RORA: variants seen among roughly 807,000 people sequenced by gnomAD.
RORA encodes the protein RAR related orphan receptor A.
A neutral mutation model predicts 69.5 loss-of-function variants in RORA; 7 were observed. The observed-to-expected ratio is 0.10, with a 90% CI of 0.06 to 0.19. The LOEUF (loss-of-function observed/expected upper bound fraction) is 0.19, where lower values mean the gene tolerates loss of function less well. Ranked by LOEUF, RORA falls within the 10% of genes least tolerant of loss-of-function variation. The pLI, the probability that RORA is intolerant of heterozygous loss-of-function variation, is 1.00. For missense variants in RORA, 457 were observed against 663.0 expected (o/e 0.69, Z 3.41); for synonymous variants, 261 against 240.8 (o/e 1.08, Z -0.78).
intron 1 of RORA, among the ~76,000 whole-genome samples, chr15:60,717,796 CTTTT>C (rs10653856): frequency 4.3e-5 from 4 of 91,974 alleles, no homozygotes; most frequent in African/African-American, 1.7e-4. Context: ...TTCTTTTTCT[CTTTT>C]TTTTTTTTTT....
In RORA at chr15:60,862,655, G is replaced by A. The variant is rs533648404; in HGVS notation, c.167-183969C>T. On this transcript the variant is annotated intron_variant, in intron 1 of 10. Transcript: ENST00000335670. The stretch of plus-strand genomic sequence containing the variant: ...TATTTTGGGTAAAAAAGAAAAAGAA[G>A]CGCTTGTATGAATTTTCATGTTATT... Among the ~76,000 whole-genome samples, 53 of 152,274 alleles carry A rather than the reference G, an allele frequency of 3.5e-4. 1 individual carries two copies. In the South Asian group the frequency reaches 0.011, roughly 32 times the overall value.
chr15:60,543,770 A>C (rs1010431460), intron 2 of RORA, among the ~76,000 whole-genome samples: 3 of 152,014 alleles, frequency 2.0e-5, no homozygotes, highest in Non-Finnish European at 2.9e-5. Flanking sequence ...TCTATCTTTT[A>C]AGGATGATAG....
intron 1 of RORA, among the ~76,000 whole-genome samples, chr15:60,953,778 A>T (rs1158969105): frequency 6.6e-6 from 1 of 151,942 alleles, no homozygotes; most frequent in African/African-American, 2.4e-5. Context: ...CGATCATTAA[A>T]AAGTCAGGAA....
In RORA at chr15:60,826,989, G is replaced by A. The variant is rs909719505; in HGVS notation, c.167-148303C>T. Among the ~76,000 whole-genome samples, 11 of 152,148 alleles carry A rather than the reference G, an allele frequency of 7.2e-5. No homozygotes were observed. The South Asian group carries it at 8.3e-4, about 11-fold the overall frequency. On this transcript the variant is annotated intron_variant, in intron 1 of 10. Coordinates refer to ENST00000335670, the MANE Select transcript of RORA (RefSeq NM_134261.3). The stretch of plus-strand genomic sequence containing the variant: ...CTTAGTGGGTATACCAAAGCCCTCC[G>A]TGATGTGAGTATAATATCAAGTTCT...
chr15:61,026,597 C>T (rs922324513), intron 1 of RORA, among the ~76,000 whole-genome samples: 18 of 152,134 alleles, frequency 1.2e-4, no homozygotes, highest in East Asian at 1.9e-4. Context: ...ATATATAATA[C>T]GCCTGCCTCA....
At chr15:60,552,766 C>A (rs1483677120) in intron 2 of RORA, among the ~76,000 whole-genome samples, 2 of 152,140 alleles carry the variant, frequency 1.3e-5, no homozygotes, top group East Asian at 3.8e-4. Flanking sequence ...TTTACTAGAG[C>A]CTGCCACCCA....
intron 2 of RORA, chr15:60,556,713 T>A: frequency 1.5e-6 from 1 of 678,822 alleles, no homozygotes; most frequent in Admixed American, 2.6e-5. Flanking sequence ...CCTCTATGCC[T>A]GGAAGTTCAC....
chr15:60,925,948 A>G (rs1892205289), intron 1 of RORA, among the ~76,000 whole-genome samples: 1 of 152,218 alleles, frequency 6.6e-6, no homozygotes, highest in Non-Finnish European at 1.5e-5. Flanking sequence ...AACACATCAC[A>G]TGGTGACCAA....
At chr15:60,937,931 T>C (rs554607364) in intron 1 of RORA, among the ~76,000 whole-genome samples, 3 of 152,354 alleles carry the variant, frequency 2.0e-5, no homozygotes, top group Admixed American at 2.0e-4. Context: ...AATATTTCTT[T>C]TCTTTTTTTG....
rs554451406 is a variant in RORA at position 61,055,531 on chromosome 15, C to A, written c.166+173522G>T. 9.8e-5 allele frequency among the ~76,000 whole-genome samples: 15 copies of A among 152,288 alleles called. No individual in the cohort carries two copies. The South Asian group carries it at 2.9e-3, about 29-fold the overall frequency. ...CAATGCCTTGCAGGTGTGTCAGGTT[C>A]TTTAGGTGTTTTCGATGTTCAGGTC... On this transcript the variant is annotated intron_variant, in intron 1 of 10. Transcript: ENST00000335670.
intron 1 of RORA, among the ~76,000 whole-genome samples, chr15:60,992,256 T>C (rs1401205864): frequency 1.3e-5 from 2 of 152,172 alleles, no homozygotes; most frequent in Non-Finnish European, 2.9e-5. Context: ...ATTAAAACAA[T>C]TTCAACTAGT....
intron 1 of RORA, among the ~76,000 whole-genome samples, chr15:60,744,438 G>T (rs2071620162): frequency 6.6e-6 from 1 of 152,140 alleles, no homozygotes; most frequent in South Asian, 2.1e-4. Flanking sequence ...TTATATCCAG[G>T]GAGGCATCTT....
intron 1 of RORA, among the ~76,000 whole-genome samples, chr15:60,871,331 A>G (rs1423280710): frequency 1.3e-5 from 2 of 152,162 alleles, no homozygotes; most frequent in African/African-American, 2.4e-5. Context: ...TTAAATTTGG[A>G]GTTCAGCCTA....
chr15:61,005,663 G>A (rs556856059), intron 1 of RORA, among the ~76,000 whole-genome samples: 2 of 151,994 alleles, frequency 1.3e-5, no homozygotes, highest in African/African-American at 4.8e-5. Flanking sequence ...TGTTCTAAGC[G>A]TATAGCTAAA....
At chr15:60,523,506 T>A (rs2066246433) in intron 3 of RORA, among the ~76,000 whole-genome samples, 1 of 152,208 alleles carries the variant, frequency 6.6e-6, no homozygotes, top group Admixed American at 6.5e-5. Context: ...ACTTTTTGCT[T>A]TCCAGAGAGC....
Position 60,984,026 on chromosome 15 carries a change from T to C in RORA, c.166+245027A>G, listed in dbSNP as rs143777823. ...CAAAATTGTAACTCTGCTGTGTTTT[T>C]AACTCCTAAATACTCCTGGATTGGT... On this transcript the variant is annotated intron_variant, in intron 1 of 10. Coordinates refer to ENST00000335670, the MANE Select transcript of RORA (RefSeq NM_134261.3). Among the ~76,000 whole-genome samples, 943 of 152,324 alleles carry C rather than the reference T, an allele frequency of 6.2e-3. 9 individuals carry two copies. Among genetic ancestry groups the C allele is most frequent in the African/African-American group, 0.022 (897 of 41,572 alleles).
intron 1 of RORA, among the ~76,000 whole-genome samples, chr15:61,132,650 T>C (rs758253975): frequency 5.3e-5 from 8 of 152,216 alleles, no homozygotes; most frequent in Non-Finnish European, 1.2e-4. Context: ...TAAACATAAA[T>C]AGAATTTCCT....
At chr15:60,970,891 T>A (rs1199701538) in intron 1 of RORA, among the ~76,000 whole-genome samples, 2 of 152,176 alleles carry the variant, frequency 1.3e-5, no homozygotes, top group African/African-American at 2.4e-5. Context: ...AGGGCCTTCC[T>A]ATGCTCCAGT....
intron 1 of RORA, among the ~76,000 whole-genome samples, chr15:61,202,648 C>G (rs559338806): frequency 1.3e-5 from 2 of 152,170 alleles, no homozygotes; most frequent in Non-Finnish European, 2.9e-5. Flanking sequence ...ATTCAGATGC[C>G]TATTTTAAGA....
Sources: gnomAD v4.1 joint callset for allele counts (sites outside exome capture counted in the v4.1 genomes callset) on GRCh38, gnomAD v4.1.1 for gene constraint, MANE v1.5 for transcripts, NCBI Gene and HGNC (gene_info 2026-07-23, HGNC 2026-07-21) for gene names.